Variants in CDC42BPA observed in about 807,000 individuals in gnomAD.
The protein encoded by CDC42BPA is CDC42 binding protein kinase alpha, also known as serine/threonine-protein kinase MRCK alpha.
Under a neutral mutation model 223.5 loss-of-function variants are expected in CDC42BPA, and 80 were observed. That is an observed-to-expected ratio of 0.36 (90% CI 0.30 to 0.43). CDC42BPA has a LOEUF of 0.43. Ranked by LOEUF, CDC42BPA falls within the 20% of genes least tolerant of loss-of-function variation. The pLI is 1.00. For synonymous variants in CDC42BPA, 694 were observed against 718.6 expected (o/e 0.97, Z 0.55); for missense variants, 1,743 against 2,099.9 (o/e 0.83, Z 3.32).
At chr1:227,030,341 G>C (rs1669036935) in intron 29 of CDC42BPA, 67 bp downstream of exon 29, 3 of 924,624 alleles carry the variant, frequency 3.2e-6, no homozygotes, top group Non-Finnish European at 5.1e-6. Flanking sequence ...GTAGAATTTA[G>C]AATCTACAGT....
intron 15 of CDC42BPA, among the ~76,000 whole-genome samples, chr1:227,099,573 T>C (rs1158549059): frequency 6.6e-6 from 1 of 152,178 alleles, no homozygotes; most frequent in Non-Finnish European, 1.5e-5. Context: ...ATCCACTAAA[T>C]ATGACTTACA....
intron 21 of CDC42BPA, among the ~76,000 whole-genome samples, chr1:227,067,689 C>T (rs938062866): frequency 2.6e-5 from 4 of 152,110 alleles, no homozygotes; most frequent in Admixed American, 1.3e-4. Flanking sequence ...ATATTCCAAG[C>T]ATATTCAAAA....
At chr1:227,076,213 T>TA (rs576792263) in intron 17 of CDC42BPA, among the ~76,000 whole-genome samples, 39 of 151,118 alleles carry the variant, frequency 2.6e-4, no homozygotes, top group Admixed American at 9.2e-4. Flanking sequence ...TCCACCTCAT[T>TA]AAAAAAAAAT....
In CDC42BPA at chr1:227,238,786, T is replaced by C. The variant is rs1471051742; in HGVS notation, c.270+15278A>G. ...TTAAAGGCTCAGTGTATAAGAAAGA[T>C]GAACAATTGGAACATGTATGCACCA... On this transcript the variant is annotated intron_variant, in intron 2 of 36. Transcript: ENST00000366766. 2.6e-5 allele frequency among the ~76,000 whole-genome samples: 4 copies of C among 152,166 alleles called. No homozygotes were observed. The South Asian group carries it at 6.2e-4, about 24-fold the overall frequency.
At chr1:227,169,265 G>C (rs1472501651) in intron 5 of CDC42BPA, among the ~76,000 whole-genome samples, 1 of 151,998 alleles carries the variant, frequency 6.6e-6, no homozygotes, top group Non-Finnish European at 1.5e-5. Flanking sequence ...GGTCATTTCA[G>C]GGATACTCTT....
Position 227,205,268 on chromosome 1 carries a change from CAA to C in CDC42BPA, c.355-5618_355-5617del, listed in dbSNP as rs1158919272. ...TAGGCAACAGAGTGAGACTCTGTCT[CAA>C]AAAAAAAAAAAAAATATATATATAT... is the stretch of plus-strand genomic sequence containing the variant. On this transcript the variant is annotated intron_variant, in intron 3 of 36. Transcript: ENST00000366766. Among the ~76,000 whole-genome samples, 721 of 110,116 alleles carry C rather than the reference CAA, an allele frequency of 6.5e-3. 5 individuals are homozygous for C. Among genetic ancestry groups the C allele is most frequent in the East Asian group, 0.032 (132 of 4,178 alleles). The allele number at this position is 110,116 out of a possible 152,430, so 72.2% of individuals were successfully genotyped here. A position where few individuals can be genotyped will look rare whatever the true frequency, so the allele number is the denominator to read the frequency against.
intron 5 of CDC42BPA, chr1:227,193,571 T>C: frequency 2.0e-6 from 1 of 498,542 alleles, no homozygotes; most frequent in Non-Finnish European, 3.5e-6. Context: ...ATACTATACA[T>C]GTACATGTAT....
chr1:227,147,412 G>A lies in CDC42BPA; in HGVS notation c.841C>T (p.Pro281Ser). Reference protein sequence around the residue: ...CMYEMLYGETPFYAESLVETY... With the variant: ...CMYEMLYGETSFYAESLVETY... ...TCCACCAGCGATTCTGCATAAAATG[G>A]TGTTTCTCCGTAAAGCATTTCATAC... Residue 281 changes from proline (P) to serine (S), a missense_variant, in exon 7 of 37, where the codon CCA becomes TCA. By Grantham distance (74) the Pro-to-Ser change is moderately conservative. Transcript: ENST00000366766. 6.2e-7 allele frequency: 1 copy of A among 1,613,092 alleles called. No homozygotes were observed. The highest frequency in any genetic ancestry group is 8.5e-7 in the Non-Finnish European group (1 of 1,179,588).
rs538516858 is a variant in CDC42BPA at position 227,018,225 on chromosome 1, T to C, written c.4616-1175A>G. On this transcript the variant is annotated intron_variant, in intron 32 of 36. Coordinates refer to ENST00000366766, the MANE Select transcript of CDC42BPA (RefSeq NM_001394014.1). ...CACCATGCCCAGCCAAAGAACAGAA[T>C]TTTTGAAGTGAATGAGAATGTGGGA... Among the ~76,000 whole-genome samples, 17 of 152,042 alleles carry C rather than the reference T, an allele frequency of 1.1e-4. No individual in the cohort carries two copies. The South Asian group carries it at 3.3e-3, about 30-fold the overall frequency.
At chr1:227,024,338 T>C (rs1667872484) in intron 31 of CDC42BPA, among the ~76,000 whole-genome samples, 1 of 152,218 alleles carries the variant, frequency 6.6e-6, no homozygotes, top group South Asian at 2.1e-4. Context: ...AGGATGTTGA[T>C]AAGAATTCCT....
chr1:227,069,868 C>T lies in CDC42BPA; in HGVS notation c.2828-15G>A, dbSNP rs1677911643. 4.4e-6 allele frequency: 7 copies of T among 1,595,726 alleles called. No individual in the cohort carries two copies. Among genetic ancestry groups the T allele is most frequent in the Non-Finnish European group, 5.1e-6 (6 of 1,165,510 alleles). ...GTGCTCTATACCTAGAAGACAGCAG[C>T]AACTTTTTTTAAGGCTACAACAATT... On this transcript the variant is annotated splice_polypyrimidine_tract_variant and intron_variant, in intron 20 of 36. Transcript: ENST00000366766.
Position 227,119,918 on chromosome 1 carries a change from C to A in CDC42BPA, c.1533G>T (p.Gln511His). Residue 511 changes from glutamine (Q) to histidine (H), a missense_variant, in exon 12 of 37, where the codon CAG (glutamine) becomes CAT (histidine). By Grantham distance (24) the Gln-to-His change is conservative (BLOSUM62 0). Coordinates refer to ENST00000366766, the MANE Select transcript of CDC42BPA (RefSeq NM_001394014.1). The part of the protein sequence containing the change: ...KQVTESSHLE[Q>H]QLEEANAVRQ... ...TCACAGCATTAGCTTCTTCAAGTTG[C>A]TGTTCCAAATGACTTGATTCTAAAA... The A allele has an allele frequency of 6.3e-7, 1 of 1,595,376 alleles. No individual in the cohort carries two copies. The highest frequency in any genetic ancestry group is 1.1e-5 in the South Asian group (1 of 87,098).
intron 17 of CDC42BPA, among the ~76,000 whole-genome samples, chr1:227,076,467 G>A (rs1382090533): frequency 1.3e-5 from 2 of 152,038 alleles, no homozygotes; most frequent in African/African-American, 2.4e-5. Flanking sequence ...ACGTTGGCCA[G>A]GCTGGTCTTG....
At chr1:227,302,527 C>T (rs75293725) in intron 1 of CDC42BPA, among the ~76,000 whole-genome samples, 1 of 152,176 alleles carries the variant, frequency 6.6e-6, no homozygotes, top group African/African-American at 2.4e-5. Context: ...CTCTTTGGAA[C>T]CTTTTGGGGT....
chr1:227,232,330 T>C (rs1489354685), intron 2 of CDC42BPA, among the ~76,000 whole-genome samples: 2 of 152,176 alleles, frequency 1.3e-5, no homozygotes, highest in Non-Finnish European at 2.9e-5. Context: ...TTCTGTTCCA[T>C]TAGTCTGTAT....
At chr1:227,066,364 T>C (rs1038914185) in intron 21 of CDC42BPA, among the ~76,000 whole-genome samples, 2 of 150,094 alleles carry the variant, frequency 1.3e-5, no homozygotes, top group African/African-American at 2.5e-5. Flanking sequence ...CACTCCAGCC[T>C]GGTGACAGGG....
At chr1:227,176,030 G>A (rs1310696328) in intron 5 of CDC42BPA, among the ~76,000 whole-genome samples, 1 of 152,144 alleles carries the variant, frequency 6.6e-6, no homozygotes, top group African/African-American at 2.4e-5. Context: ...TTGGCTCACT[G>A]CAACCTCCGC....
At chr1:227,194,483 A>G (rs1254482399) in intron 4 of CDC42BPA, among the ~76,000 whole-genome samples, 2 of 152,184 alleles carry the variant, frequency 1.3e-5, no homozygotes, top group African/African-American at 2.4e-5. Flanking sequence ...GTCTCTTCCC[A>G]TTTCTAATAC....
chr1:227,020,371 G>C (rs1372348730), intron 32 of CDC42BPA, among the ~76,000 whole-genome samples: 1 of 152,262 alleles, frequency 6.6e-6, no homozygotes, highest in South Asian at 2.1e-4. Context: ...TCCTACAGAA[G>C]TCTGTTTTAG....
Sources: allele counts gnomAD v4.1 joint callset (sites outside exome capture counted in the v4.1 genomes callset), GRCh38; gene constraint gnomAD v4.1.1; transcripts MANE v1.5; gene names NCBI Gene and HGNC (gene_info 2026-07-23, HGNC 2026-07-21).